Variants in MICALL2 observed in about 807,000 individuals in gnomAD.
The protein encoded by MICALL2 is MICAL like 2, also known as MICAL-like protein 2.
In MICALL2, 111 loss-of-function variants were observed where a neutral mutation model predicts 91.1. That is an observed-to-expected ratio of 1.22 (90% confidence interval 1.04 to 1.43). The LOEUF is 1.43. Among genes scored for constraint, MICALL2 ranks in the 40% most tolerant of loss-of-function variants. The pLI, the probability that MICALL2 is intolerant of heterozygous loss-of-function variation, is 0.00. For missense variants in MICALL2, 1,556 were observed against 1,236.0 expected (o/e 1.26, Z -3.88); for synonymous variants, 694 against 525.3 (o/e 1.32, Z -4.39).
rs1250555950 is a variant in MICALL2, at chr7:1,438,254, G to A, written c.2188-34C>T. The A allele has an allele frequency of 2.5e-6, 4 of 1,588,686 alleles. No individual in the cohort carries two copies. The South Asian group carries it at 4.6e-5, about 18-fold the overall frequency. On this transcript the variant is annotated intron_variant, in intron 11 of 16. Coordinates refer to ENST00000297508, the MANE Select transcript of MICALL2 (RefSeq NM_182924.4). ...GGAGGGGCGGTGAGGATGCCGGAGGGCTGGGCCCCTGCCCGGCTCCCCACC... is the reference window on the plus strand; with the variant it reads ...GGAGGGGCGGTGAGGATGCCGGAGGACTGGGCCCCTGCCCGGCTCCCCACC...
Position 1,440,021 on chromosome 7 carries a change from C to A in MICALL2, c.1870G>T (p.Val624Phe). Residue 624 changes from valine to phenylalanine, a missense_variant, in exon 9 of 17, where the codon GTC becomes TTC. Physicochemically the swap from Val to Phe is conservative, Grantham distance 50. Coordinates refer to ENST00000297508, the MANE Select transcript of MICALL2 (RefSeq NM_182924.4). ...EPRAGEAPRK[V>F]SGSFAGSVHI... is the part of the protein sequence containing the mutation. Reference sequence around the variant, plus strand: ...ACACTCCCAGCAAAGCTGCCTGAGACCTTCCTGGGGGCCTCCCCCGCCCTC... The same window carrying A: ...ACACTCCCAGCAAAGCTGCCTGAGAACTTCCTGGGGGCCTCCCCCGCCCTC... 1 of 1,573,016 alleles carries A rather than the reference C, an allele frequency of 6.4e-7. No individual in the cohort carries two copies. Among genetic ancestry groups the A allele is most frequent in the Non-Finnish European group, 8.6e-7 (1 of 1,167,178 alleles).
intron 1 of MICALL2, among the ~76,000 whole-genome samples, chr7:1,456,173 C>G (rs758696911): frequency 1.3e-5 from 2 of 151,982 alleles, no homozygotes; most frequent in African/African-American, 4.8e-5. Flanking sequence ...GTAATCCCAG[C>G]GCTTCGGGAG....
chr7:1,443,389 C>T (rs1780406272), intron 6 of MICALL2, among the ~76,000 whole-genome samples: 1 of 152,084 alleles, frequency 6.6e-6, no homozygotes, highest in African/African-American at 2.4e-5. Context: ...GAGCAGGGGA[C>T]GCCTGCACCC....
At position 1,452,180 on chromosome 7, in the gene MICALL2, G is replaced by A. The variant is rs907349298; in HGVS notation, c.144-1892C>T. 3.3e-5 allele frequency among the ~76,000 whole-genome samples: 5 copies of A among 152,208 alleles called. No individual in the cohort carries two copies. Among genetic ancestry groups the A allele is most frequent in the Admixed American group, 2.0e-4 (3 of 15,282 alleles). On this transcript the variant is annotated intron_variant, in intron 1 of 16. Coordinates refer to ENST00000297508, the MANE Select transcript of MICALL2 (RefSeq NM_182924.4). This position sits in a 1 kb window ranked among gnomAD's most constrained non-coding sequence, Gnocchi z 6.2. ...TGCACAGGCGGAGCTTCTGCACGCC[G>A]GACAAGATGGGGCGCGGACTCCTCT...
chr7:1,440,063 G>T lies in MICALL2; in HGVS notation c.1828C>A (p.Arg610=), dbSNP rs199983192. ...AERTLKPKEP[R]ALAEPRAGEA... is the part of the protein sequence containing the mutation. ...CCCGCCCTCGGCTCTGCCAGGGCCC[G>T]TGGTTCCTTGGGCTTCAGAGTCCTG... The change falls in exon 9 of 17, where the codon CGG becomes AGG. Residue 610 remains arginine, a synonymous_variant. Transcript: ENST00000297508. 1.9e-6 allele frequency: 3 copies of T among 1,587,528 alleles called. No individual in the cohort carries two copies. Among genetic ancestry groups the T allele is most frequent in the Non-Finnish European group, 2.6e-6 (3 of 1,171,680 alleles).
Position 1,435,115 on chromosome 7 carries a change from AT to A in MICALL2, c.2623del (p.Met875Ter). 6.2e-7 allele frequency: 1 copy of A among 1,613,238 alleles called. No homozygotes were observed. On this transcript the variant is annotated frameshift_variant, in exon 16 of 17. Transcript: ENST00000297508. LOFTEE classifies it high-confidence loss of function. ...EQEEDQMLRD[M>X]IEKLGLQRKK... ...GGCCCAGTCACCCAGCTTCTCAATC[AT>A]GTCCCGCAGCATCTGATCCTCCTCT... is the stretch of plus-strand genomic sequence containing the variant.
chr7:1,445,146 G>T lies in MICALL2; in HGVS notation c.924C>A (p.Ala308=). The change falls in exon 6 of 17, where the codon GCC becomes GCA. Residue 308 remains alanine (A), a synonymous_variant. Coordinates refer to ENST00000297508, the MANE Select transcript of MICALL2 (RefSeq NM_182924.4). The stretch of plus-strand genomic sequence containing the variant: ...TCACGTGGACGGACGTGGCGCTGGT[G>T]GCTGCAGGGTTGGGTGCAGCTGGAA... ...ASVPAAPNPA[A]TSATSVHVRS... 1 of 1,571,196 alleles carries T rather than the reference G, an allele frequency of 6.4e-7. No individual in the cohort carries two copies.
chr7:1,448,514 G>T, intron 3 of MICALL2, 106 bp downstream of exon 3: 5 of 857,566 alleles, frequency 5.8e-6, no homozygotes, highest in South Asian at 1.6e-5. Context: ...GGCCATTCTT[G>T]GGGGGGGGGC....
chr7:1,438,921 G>C lies in MICALL2; in HGVS notation c.2041C>G (p.Arg681Gly), dbSNP rs151320299. 7 of 1,608,386 alleles carry C rather than the reference G, an allele frequency of 4.4e-6. No homozygotes were observed. The South Asian group carries it at 7.7e-5, about 18-fold the overall frequency. The change falls in exon 10 of 17, where the codon CGG becomes GGG. Residue 681 changes from arginine (R) to glycine (G), a missense_variant. By Grantham distance (125) the Arg-to-Gly change is moderately radical. Coordinates refer to ENST00000297508, the MANE Select transcript of MICALL2 (RefSeq NM_182924.4). ...ASLDVCDNWL[R>G]PEPPGQEARV... ...GCTTCCTGGCCAGGGGGCTCCGGCC[G>C]AAGCCAGTTGTCACAAACGTCGAGG...
chr7:1,438,446 C>T (rs1780093914), intron 10 of MICALL2, 93 bp from the exon 11 acceptor site: 2 of 1,516,298 alleles, frequency 1.3e-6, no homozygotes, highest in African/African-American at 1.4e-5. Flanking sequence ...CTCAGCACAG[C>T]ACAGCTGGCC....
At chr7:1,453,182 C>T (rs1304698544) in intron 1 of MICALL2, among the ~76,000 whole-genome samples, 1 of 152,132 alleles carries the variant, frequency 6.6e-6, no homozygotes, top group Non-Finnish European at 1.5e-5. Flanking sequence ...GCCCTAACCT[C>T]CAATTCCACC....
At position 1,442,171 on chromosome 7, in the gene MICALL2, G is replaced by T. The variant is rs1049537634; in HGVS notation, c.1711+21C>A. 3.7e-6 allele frequency: 6 copies of T among 1,609,062 alleles called. No individual in the cohort carries two copies. In the African/African-American group the frequency reaches 4.0e-5, roughly 11 times the overall value. On this transcript the variant is annotated intron_variant, in intron 7 of 16. Coordinates refer to ENST00000297508, the MANE Select transcript of MICALL2 (RefSeq NM_182924.4). ...GAGCTGCGGGCCCCCGGGGCCTCCT[G>T]CCTCCCAGCCCCTTACTCACCCTGC... is the stretch of plus-strand genomic sequence containing the variant.
chr7:1,436,551 C>CAAAAA lies in MICALL2; in HGVS notation c.2591+186_2591+190dup, dbSNP rs59955608. The stretch of plus-strand genomic sequence containing the variant: ...CTGGTGACAGAGCAAGACTCTGTCT[C>CAAAAA]AAAAAAAAAAAAAAAAAAGACTTCA... On this transcript the variant is annotated intron_variant, in intron 15 of 16. Coordinates refer to ENST00000297508, the MANE Select transcript of MICALL2 (RefSeq NM_182924.4). Among the ~76,000 whole-genome samples, 49 of 74,482 alleles carry CAAAAA rather than the reference C, an allele frequency of 6.6e-4. 2 individuals are homozygous for CAAAAA. The highest frequency in any genetic ancestry group is 1.8e-3 in the African/African-American group (37 of 20,578). The allele number at this position is 74,482 out of a possible 152,430, so 48.9% of individuals were successfully genotyped here.
chr7:1,434,688 A>T lies in MICALL2; in HGVS notation c.2639-16T>A. 7 of 1,540,582 alleles carry T rather than the reference A, an allele frequency of 4.5e-6. No individual in the cohort carries two copies. Among genetic ancestry groups the T allele is most frequent in the Non-Finnish European group, 6.1e-6 (7 of 1,147,750 alleles). On this transcript the variant is annotated splice_polypyrimidine_tract_variant and intron_variant, in intron 16 of 16. Transcript: ENST00000297508. The stretch of plus-strand genomic sequence containing the variant: ...CTCTGGAGGCCTAGGGGACAGGTGG[A>T]CAGTGAGGCCGTGCTCAACGCCGCA...
rs770665455 is a variant in MICALL2 at position 1,437,490 on chromosome 7, G to C, written c.2476+45C>G. ...GGCCCCCAGACATCCTGGGCTCCGC[G>C]GCATCCCTGGCTGGGGCCCCTTGGC... On this transcript the variant is annotated intron_variant, in intron 14 of 16. Coordinates refer to ENST00000297508, the MANE Select transcript of MICALL2 (RefSeq NM_182924.4). 2.0e-6 allele frequency: 3 copies of C among 1,483,982 alleles called. No homozygotes were observed. The African/African-American group carries it at 4.4e-5, about 22-fold the overall frequency. The allele number at this position is 1,483,982 out of a possible 1,614,324, so 91.9% of individuals were successfully genotyped here.
At chr7:1,457,128 A>C (rs1781045896) in intron 1 of MICALL2, among the ~76,000 whole-genome samples, 1 of 152,132 alleles carries the variant, frequency 6.6e-6, no homozygotes, top group African/African-American at 2.4e-5. Flanking sequence ...CTCTGCCTCC[A>C]AGGGCACATG....
chr7:1,458,862 G>A (rs1781111136), intron 1 of MICALL2, among the ~76,000 whole-genome samples: 1 of 152,242 alleles, frequency 6.6e-6, no homozygotes, highest in South Asian at 2.1e-4. Flanking sequence ...GAGAGCCTCG[G>A]AGGGCCCAAA....
At chr7:1,446,145 T>G (rs1360218872) in intron 5 of MICALL2, among the ~76,000 whole-genome samples, 1 of 72,042 alleles carries the variant, frequency 1.4e-5, no homozygotes, top group Non-Finnish European at 2.9e-5. Flanking sequence ...GAGCGGGGGG[T>G]GGGGAAGAGG....
At position 1,442,256 on chromosome 7, in the gene MICALL2, A is replaced by G. The variant is rs1311254823; in HGVS notation, c.1647T>C (p.Gly549=). Residue 549 remains glycine (G), a synonymous_variant, in exon 7 of 17, where the codon GGT becomes GGC. Transcript: ENST00000297508. ...CCTCTGGCTTCGGCCTGGAGCCAGC[A>G]CCCACCCTGCCGACCCCTGAGGATT... The part of the protein sequence containing the change: ...LAESSGVGRV[G]AGSRPKPEAP... 1.2e-6 allele frequency: 2 copies of G among 1,612,694 alleles called. No individual in the cohort carries two copies. The highest frequency in any genetic ancestry group is 4.5e-5 in the East Asian group (2 of 44,870).
Sources: allele counts gnomAD v4.1 joint callset (sites outside exome capture counted in the v4.1 genomes callset), GRCh38; gene constraint gnomAD v4.1.1; non-coding constraint Gnocchi (gnomAD v3.1); transcripts MANE v1.5; gene names NCBI Gene and HGNC (gene_info 2026-07-23, HGNC 2026-07-21).